THSD1: variants seen among roughly 807,000 people sequenced by gnomAD.
The protein encoded by THSD1 is thrombospondin type 1 domain containing 1.
A neutral mutation model predicts 46.3 loss-of-function variants in THSD1; 34 were observed. The ratio of observed to expected loss-of-function variants is 0.74; its 90% CI spans 0.56 to 0.98. THSD1 has a LOEUF of 0.98. Among genes scored for constraint, THSD1 ranks in the 50% least tolerant of loss-of-function variants. THSD1 has a pLI of 0.00. For missense variants in THSD1, 1,023 were observed against 1,058.3 expected, an observed-to-expected ratio of 0.97 and a Z score of 0.46; for synonymous variants, 407 against 416.5, an observed-to-expected ratio of 0.98 and a Z score of 0.28.
Position 52,397,860 on chromosome 13 carries a change from G to A in THSD1, c.393C>T (p.His131=), listed in dbSNP as rs750854541. Residue 131 remains histidine (H), a synonymous_variant, in exon 3 of 5, where the codon CAC becomes CAT. Coordinates refer to ENST00000258613, the MANE Select transcript of THSD1 (RefSeq NM_018676.4). ...CCTTGGCACTCCTATTCAAGTCAAC[G>A]TGAAAGACAGGCCATTCCACCTTCA... ...AFLKVEWPVF[H]VDLNRSAKAA... The A allele has an allele frequency of 7.4e-6, 12 of 1,614,136 alleles. No individual in the cohort carries two copies. The highest frequency in any genetic ancestry group is 2.2e-5 in the South Asian group (2 of 91,088).
intron 3 of THSD1, among the ~76,000 whole-genome samples, chr13:52,390,469 G>C (rs1253095961): frequency 6.6e-6 from 1 of 152,156 alleles, no homozygotes; most frequent in Non-Finnish European, 1.5e-5. Context: ...CATCAACTGA[G>C]ATGTGCTAAT....
chr13:52,388,522 A>C (rs1254173565), intron 3 of THSD1, among the ~76,000 whole-genome samples: 1 of 152,252 alleles, frequency 6.6e-6, no homozygotes, highest in African/African-American at 2.4e-5. Flanking sequence ...CTTGTTGCCC[A>C]GGATGGAGTG....
At chr13:52,378,875 T>G (rs1957668548) in intron 4 of THSD1, 86 bp from the exon 5 acceptor site, 1 of 1,395,952 alleles carries the variant, frequency 7.2e-7, no homozygotes, top group Admixed American at 2.8e-5. Context: ...TTTTTTTTTT[T>G]TTTTTGAGAT....
intron 4 of THSD1, among the ~76,000 whole-genome samples, chr13:52,379,923 C>T (rs544726073): frequency 2.6e-4 from 40 of 152,210 alleles, no homozygotes; most frequent in Admixed American, 5.2e-4. Flanking sequence ...TACATATGTA[C>T]ATCTTAAGGG....
intron 3 of THSD1, among the ~76,000 whole-genome samples, chr13:52,389,932 G>C (rs1957760816): frequency 6.6e-6 from 1 of 152,006 alleles, no homozygotes; most frequent in Non-Finnish European, 1.5e-5. Flanking sequence ...TTGAGCTCAG[G>C]AGTTTGAGAC....
intron 3 of THSD1, among the ~76,000 whole-genome samples, chr13:52,394,624 A>AG (rs1289351112): frequency 6.6e-6 from 1 of 152,090 alleles, no homozygotes; most frequent in East Asian, 1.9e-4. Flanking sequence ...AAAAAAAAAA[A>AG]AAAAAGAATA....
chr13:52,377,210 C>T lies in THSD1; in HGVS notation c.*201G>A, dbSNP rs1250211647. On this transcript the variant is annotated 3_prime_UTR_variant, in exon 5 of 5. Transcript: ENST00000258613. ...ATTATCATTGTTATTACTAATAAAT[C>T]AATAGAAATTGAATAACAAAGGAAA... The T allele has an allele frequency of 2.1e-5, 28 of 1,309,710 alleles. No individual in the cohort carries two copies. Among genetic ancestry groups the T allele is most frequent in the Non-Finnish European group, 2.6e-5 (27 of 1,026,832 alleles). The allele number at this position is 1,309,710 out of a possible 1,614,324, so 81.1% of individuals were successfully genotyped here. A position where few individuals can be genotyped will look rare whatever the true frequency, so the allele number is the denominator to read the frequency against.
In THSD1 at chr13:52,402,662, A is replaced by AT. The variant is rs528665299; in HGVS notation, c.-63dup. On this transcript the variant is annotated 5_prime_UTR_variant, in exon 2 of 5. Transcript: ENST00000258613. ...TGTCCTTTCTCACGTCCAGATTGTG[A>AT]TTTTTTTCCCCAAAAACACCTGAAA... The AT allele has an allele frequency of 6.5e-5, 104 of 1,596,772 alleles. 1 individual carries two copies. The highest frequency in any genetic ancestry group is 1.7e-4 in the South Asian group (15 of 88,702).
rs12867331 is a variant in THSD1, at chr13:52,402,336, A to G, written c.58+207T>C. 5.7e-3 allele frequency among the ~76,000 whole-genome samples: 862 copies of G among 152,332 alleles called. 2 individuals carry two copies. The highest frequency in any genetic ancestry group is 9.2e-3 in the Non-Finnish European group (624 of 68,034). On this transcript the variant is annotated intron_variant, in intron 2 of 4. Transcript: ENST00000258613. ...TGGTTTTTTTATTTTTTTAAGAGTT[A>G]AAAATATAAAATGAAATACGAATCA...
intron 3 of THSD1, among the ~76,000 whole-genome samples, chr13:52,394,059 T>TC (rs560596666): frequency 1.6e-3 from 236 of 152,152 alleles, no homozygotes; most frequent in African/African-American, 5.3e-3. Flanking sequence ...CTGACTACCC[T>TC]CCACCTAGAC....
Position 52,389,435 on chromosome 13 carries a change from A to C in THSD1, c.1022-3249T>G, listed in dbSNP as rs866241532. Among the ~76,000 whole-genome samples the C allele has an allele frequency of 7.9e-5, 12 of 152,338 alleles. No individual in the cohort carries two copies. The South Asian group carries it at 8.3e-4, about 11-fold the overall frequency. On this transcript the variant is annotated intron_variant, in intron 3 of 4. Coordinates refer to ENST00000258613, the MANE Select transcript of THSD1 (RefSeq NM_018676.4). ...CAACCATATAATGATAAAACTAAAT[A>C]ATCTAAACACTAAGTTAAAAGACAT...
Position 52,397,188 on chromosome 13 carries a change from A to C in THSD1, c.1021+44T>G, listed in dbSNP as rs183189501. Reference sequence around the variant, plus strand: ...CTAAATTCTAAATAATTTTGATTACATGAAGGATTTGATTTAAAATGTTAA... The same window carrying C: ...CTAAATTCTAAATAATTTTGATTACCTGAAGGATTTGATTTAAAATGTTAA... On this transcript the variant is annotated intron_variant, in intron 3 of 4. Coordinates refer to ENST00000258613, the MANE Select transcript of THSD1 (RefSeq NM_018676.4). 2.9e-3 allele frequency: 4,268 copies of C among 1,465,706 alleles called. 8 individuals carry two copies. Among genetic ancestry groups the C allele is most frequent in the Non-Finnish European group, 3.7e-3 (3,988 of 1,086,764 alleles). The allele number at this position is 1,465,706 out of a possible 1,614,324, so 90.8% of individuals were successfully genotyped here.
intron 3 of THSD1, among the ~76,000 whole-genome samples, chr13:52,390,297 G>A (rs1323618231): frequency 1.3e-5 from 2 of 152,124 alleles, no homozygotes; most frequent in Admixed American, 1.3e-4. Flanking sequence ...GCAGCCAAAG[G>A]TATACAAAGC....
At chr13:52,379,798 G>C (rs1048799551) in intron 4 of THSD1, among the ~76,000 whole-genome samples, 2 of 152,098 alleles carry the variant, frequency 1.3e-5, no homozygotes, top group African/African-American at 4.8e-5. Flanking sequence ...AAAAGTCAGT[G>C]TTCACTTACG....
chr13:52,391,466 C>T (rs973254277), intron 3 of THSD1, among the ~76,000 whole-genome samples: 1 of 151,826 alleles, frequency 6.6e-6, no homozygotes, highest in Non-Finnish European at 1.5e-5. Flanking sequence ...GATCCATCTG[C>T]CTTGGCCTCC....
chr13:52,388,173 C>A, intron 3 of THSD1, among the ~76,000 whole-genome samples: 1 of 148,754 alleles, frequency 6.7e-6, no homozygotes, highest in Admixed American at 6.6e-5. Flanking sequence ...AAAAAGCTAC[C>A]ACCCCAGTAA....
Position 52,378,413 on chromosome 13 carries a change from G to A in THSD1, c.1557C>T (p.Asn519=), listed in dbSNP as rs553921698. The change falls in exon 5 of 5, where the codon AAC becomes AAT. Residue 519 remains asparagine, a synonymous_variant. Coordinates refer to ENST00000258613, the MANE Select transcript of THSD1 (RefSeq NM_018676.4). ...DASGSESFQS[N]AQKIIPPLFS... is the part of the protein sequence containing the mutation. Reference sequence around the variant, plus strand: ...ACAGAGGTGGGATTATCTTCTGGGCGTTGGACTGGAAGCTCTCGCTGCCAG... The same window carrying A: ...ACAGAGGTGGGATTATCTTCTGGGCATTGGACTGGAAGCTCTCGCTGCCAG... 1.9e-6 allele frequency: 3 copies of A among 1,614,076 alleles called. No individual in the cohort carries two copies. Among genetic ancestry groups the A allele is most frequent in the Admixed American group, 1.7e-5 (1 of 59,992 alleles).
rs756030241 is a variant in THSD1 at position 52,377,529 on chromosome 13, T to C, written c.2441A>G (p.Asn814Ser). 3 of 1,599,954 alleles carry C rather than the reference T, an allele frequency of 1.9e-6. No homozygotes were observed. The highest frequency in any genetic ancestry group is 2.2e-5 in the East Asian group (1 of 44,478). The part of the protein sequence containing the change: ...PTHPEFAFYD[N>S]TSFGLTEAEQ... ...AGCCTCAGTGAGGCCAAACGACGTA[T>C]TGTCATAGAAGGCAAACTCAGGGTG... is the stretch of plus-strand genomic sequence containing the variant. Residue 814 changes from asparagine (N) to serine (S), a missense_variant, in exon 5 of 5, where the codon AAT (asparagine) becomes AGT (serine). Transcript: ENST00000258613.
chr13:52,392,122 A>G (rs61171418), intron 3 of THSD1, among the ~76,000 whole-genome samples: 10,509 of 144,824 alleles, frequency 0.073, 493 homozygotes, highest in African/African-American at 0.13. Flanking sequence ...AACCCAGGAG[A>G]CGGAGCTTGC....
Sources: gnomAD v4.1 joint callset for allele counts (sites outside exome capture counted in the v4.1 genomes callset) on GRCh38, gnomAD v4.1.1 for gene constraint, MANE v1.5 for transcripts, NCBI Gene and HGNC (gene_info 2026-07-23, HGNC 2026-07-21) for gene names.